CADM1: variants seen among roughly 807,000 people sequenced by gnomAD.
CADM1 encodes the protein cell adhesion molecule 1.
CADM1 carries 15 observed loss-of-function variants against 53.1 expected under a neutral mutation model. The observed-to-expected ratio is 0.28, with a 90% CI of 0.19 to 0.44. CADM1 has a LOEUF of 0.44. CADM1 is among the 20% of genes least tolerant of loss of function. The probability of loss-of-function intolerance (pLI) is 1.00; values close to 1 mark genes in which losing one functional copy is unlikely to be tolerated. For missense variants in CADM1, 434 were observed against 611.3 expected, an observed-to-expected ratio of 0.71 and a Z score of 3.06; for synonymous variants, 281 against 243.0, an observed-to-expected ratio of 1.16 and a Z score of -1.45.
At chr11:115,455,617 G>C (rs1320346308) in intron 1 of CADM1, among the ~76,000 whole-genome samples, 1 of 152,136 alleles carries the variant, frequency 6.6e-6, no homozygotes, top group Non-Finnish European at 1.5e-5. Flanking sequence ...TCTGTGGCCA[G>C]AGTAGCCAAC....
chr11:115,283,195 G>A (rs543934491), intron 1 of CADM1, among the ~76,000 whole-genome samples: 6 of 152,316 alleles, frequency 3.9e-5, no homozygotes, highest in Non-Finnish European at 7.4e-5. Flanking sequence ...TAGGAAAACA[G>A]TCCCTGAAAG....
chr11:115,187,450 A>C (rs1208506518), intron 10 of CADM1, among the ~76,000 whole-genome samples: 1 of 152,054 alleles, frequency 6.6e-6, no homozygotes, highest in Non-Finnish European at 1.5e-5. Context: ...ATTTTTTGAG[A>C]TGGAGTCTCT....
chr11:115,333,188 C>T (rs977554657), intron 1 of CADM1, among the ~76,000 whole-genome samples: 3 of 152,102 alleles, frequency 2.0e-5, no homozygotes, highest in Non-Finnish European at 4.4e-5. Flanking sequence ...CCTAATTAGC[C>T]TCCTACTCCC....
chr11:115,298,110 T>C (rs980204442), intron 1 of CADM1, among the ~76,000 whole-genome samples: 1 of 152,202 alleles, frequency 6.6e-6, no homozygotes, highest in Non-Finnish European at 1.5e-5. Context: ...ATGGGAATAA[T>C]TGTTGCCGTG....
chr11:115,225,241 G>A lies in CADM1; in HGVS notation c.721+3872C>T, dbSNP rs752875789. Among the ~76,000 whole-genome samples the A allele has an allele frequency of 2.6e-5, 4 of 151,438 alleles. No individual in the cohort carries two copies. The East Asian group carries it at 5.8e-4, about 22-fold the overall frequency. On this transcript the variant is annotated intron_variant, in intron 5 of 11. Transcript: ENST00000331581. ...ACAGGGAAATGTCACAAACAAGAGC[G>A]GCTAATGCCCCAGAAAATCAAATAA...
chr11:115,212,920 A>T (rs1350439697), intron 7 of CADM1, among the ~76,000 whole-genome samples: 1 of 152,226 alleles, frequency 6.6e-6, no homozygotes, highest in Admixed American at 6.5e-5. Flanking sequence ...TGCTAGCTAT[A>T]AACTACTATC....
chr11:115,262,967 C>T (rs1943020774), intron 1 of CADM1, among the ~76,000 whole-genome samples: 1 of 152,208 alleles, frequency 6.6e-6, no homozygotes, highest in Non-Finnish European at 1.5e-5. Context: ...GTTGGTACAA[C>T]ACTGCATGAT....
chr11:115,502,687 T>C (rs314465), intron 1 of CADM1, among the ~76,000 whole-genome samples: 11,316 of 152,096 alleles, frequency 0.074, 577 homozygotes, highest in African/African-American at 0.14. Context: ...CCAATAGGTT[T>C]CCCAAGCCGA....
intron 1 of CADM1, among the ~76,000 whole-genome samples, chr11:115,422,708 TTGAAAAC>T (rs1006441212): frequency 7.9e-5 from 12 of 152,226 alleles, no homozygotes; most frequent in Admixed American, 7.2e-4. Context: ...GCTGTGCCCT[TTGAAAAC>T]ATAAGAGAAA....
At chr11:115,233,020 C>T (rs1941878376) in intron 3 of CADM1, among the ~76,000 whole-genome samples, 1 of 152,182 alleles carries the variant, frequency 6.6e-6, no homozygotes, top group Non-Finnish European at 1.5e-5. Context: ...TGTGAAAATT[C>T]TGCCCAAAGG....
In CADM1 at chr11:115,504,341, CGCCGCCGCT is replaced by C. The variant is rs907370867; in HGVS notation, c.45_53del (p.Ala18_Ala20del). 14 of 1,549,372 alleles carry C rather than the reference CGCCGCCGCT, an allele frequency of 9.0e-6. No homozygotes were observed. The highest frequency in any genetic ancestry group is 1.1e-5 in the Non-Finnish European group (13 of 1,146,782). On this transcript the variant is annotated inframe_deletion, in exon 1 of 12. Coordinates refer to ENST00000331581, the MANE Select transcript of CADM1 (RefSeq NM_001301043.2). ...GGAGCCGGAGCCCGGGAGGCGCCGC[CGCCGCCGCT>C]GCCGCCGCACACTGGGATCCGCTCG...
chr11:115,479,975 T>A (rs1374998869), intron 1 of CADM1, among the ~76,000 whole-genome samples: 1 of 152,236 alleles, frequency 6.6e-6, no homozygotes, highest in African/African-American at 2.4e-5. Context: ...CATCACCTAG[T>A]AAATCCTCTT....
intron 1 of CADM1, among the ~76,000 whole-genome samples, chr11:115,293,550 A>T (rs1229820427): frequency 6.6e-6 from 1 of 152,180 alleles, no homozygotes; most frequent in Non-Finnish European, 1.5e-5. Context: ...AAAAAACCCA[A>T]CTTGTAATTA....
At chr11:115,352,063 T>C (rs1487354212) in intron 1 of CADM1, among the ~76,000 whole-genome samples, 1 of 152,080 alleles carries the variant, frequency 6.6e-6, no homozygotes, top group Non-Finnish European at 1.5e-5. Context: ...AATAACAAAT[T>C]GTGCAGATGT....
At chr11:115,403,263 A>G (rs1947209983) in intron 1 of CADM1, among the ~76,000 whole-genome samples, 1 of 141,450 alleles carries the variant, frequency 7.1e-6, no homozygotes, top group Non-Finnish European at 1.5e-5. Flanking sequence ...GTACTCTTCA[A>G]AACTATCAAG....
At chr11:115,330,373 AT>A in intron 1 of CADM1, among the ~76,000 whole-genome samples, 1 of 152,298 alleles carries the variant, frequency 6.6e-6, no homozygotes, top group South Asian at 2.1e-4. Flanking sequence ...TCAGAAAGAT[AT>A]TGCTGCAGAT....
intron 10 of CADM1, among the ~76,000 whole-genome samples, chr11:115,183,003 C>T (rs560197325): frequency 2.6e-5 from 4 of 152,224 alleles, no homozygotes; most frequent in Admixed American, 2.6e-4. Context: ...TTAGAAATTG[C>T]GGGACAGAGA....
chr11:115,500,758 T>C (rs1475770341), intron 1 of CADM1, among the ~76,000 whole-genome samples: 1 of 152,368 alleles, frequency 6.6e-6, no homozygotes, highest in South Asian at 2.1e-4. Flanking sequence ...CATTGTCTTC[T>C]GTTGAAATTT....
At chr11:115,361,697 C>T (rs1411655458) in intron 1 of CADM1, among the ~76,000 whole-genome samples, 1 of 152,048 alleles carries the variant, frequency 6.6e-6, no homozygotes, top group Non-Finnish European at 1.5e-5. Context: ...GCCAAAAACA[C>T]TGCCCCAAAT....
Sources: allele counts gnomAD v4.1 joint callset (sites outside exome capture counted in the v4.1 genomes callset), GRCh38; gene constraint gnomAD v4.1.1; transcripts MANE v1.5; gene names NCBI Gene and HGNC (gene_info 2026-07-23, HGNC 2026-07-21).